Variants in VWC2L observed in about 807,000 individuals in gnomAD.
The protein encoded by VWC2L is von Willebrand factor C domain-containing protein 2-like.
Under a neutral mutation model 21.6 loss-of-function variants are expected in VWC2L, and 10 were observed. The ratio of observed to expected loss-of-function variants is 0.46; its 90% CI spans 0.29 to 0.78. VWC2L has a LOEUF of 0.78. Ranked by LOEUF, VWC2L falls within the 30% of genes least tolerant of loss-of-function variation. The pLI, the probability that VWC2L is intolerant of heterozygous loss-of-function variation, is 0.10. For missense variants in VWC2L, 209 were observed against 277.1 expected (o/e 0.75, Z 1.74); for synonymous variants, 96 against 94.3 (o/e 1.02, Z -0.10).
At chr2:214,546,336 C>G (rs1474592011) in intron 3 of VWC2L, among the ~76,000 whole-genome samples, 1 of 152,128 alleles carries the variant, frequency 6.6e-6, no homozygotes, top group Non-Finnish European at 1.5e-5. Context: ...TTTCTTCCAG[C>G]CAAATGCTCC....
At chr2:214,536,984 A>ACACACACACACACACACACACACG (rs1689542211) in intron 3 of VWC2L, 1 of 151,496 alleles carries the variant, frequency 6.6e-6, no homozygotes, top group African/African-American at 2.4e-5. Context: ...CTACACACAC[A>ACACACACACACACACACACACACG]CACACACACA....
At chr2:214,474,273 A>G (rs963072583) in intron 3 of VWC2L, among the ~76,000 whole-genome samples, 8 of 152,196 alleles carry the variant, frequency 5.3e-5, no homozygotes, top group African/African-American at 1.9e-4. Context: ...CCTGAAAGCA[A>G]AGAGGCAGCA....
intron 3 of VWC2L, among the ~76,000 whole-genome samples, chr2:214,522,329 C>G (rs12617513): frequency 0.35 from 52,142 of 146,898 alleles, 9,809 homozygotes; most frequent in East Asian, 0.54. Context: ...GAGCCGAGAT[C>G]GCGCCACTGC....
intron 1 of VWC2L, among the ~76,000 whole-genome samples, chr2:214,412,213 A>C (rs1702288051): frequency 6.6e-6 from 1 of 152,108 alleles, no homozygotes; most frequent in African/African-American, 2.4e-5. Flanking sequence ...ATTAATGCCT[A>C]CCTGTGGCTT....
In VWC2L at chr2:214,578,247, AAC is replaced by A. The variant is rs1474259778; in HGVS notation, c.*2429_*2430del. On this transcript the variant is annotated 3_prime_UTR_variant, in exon 4 of 4. Transcript: ENST00000312504. The stretch of plus-strand genomic sequence containing the variant: ...GGAGTTACTATGTCCTTTTTTAGAA[AAC>A]AGAAAGAGAGTACAACTGGGAAGCT... 2.6e-5 allele frequency: 4 copies of A among 152,126 alleles called. No homozygotes were observed. Among genetic ancestry groups the A allele is most frequent in the African/African-American group, 9.6e-5 (4 of 41,452 alleles). 9.4% of individuals were successfully genotyped at this position (152,126 alleles called of 1,614,324 possible).
At chr2:214,539,602 TGTATA>T (rs1190108136) in intron 3 of VWC2L, among the ~76,000 whole-genome samples, 2 of 152,178 alleles carry the variant, frequency 1.3e-5, no homozygotes, top group Non-Finnish European at 2.9e-5. Context: ...AACCTGACCT[TGTATA>T]GTAGTTAATC....
At chr2:214,571,389 G>C (rs1462196581) in intron 3 of VWC2L, among the ~76,000 whole-genome samples, 4 of 152,160 alleles carry the variant, frequency 2.6e-5, no homozygotes, top group Non-Finnish European at 5.9e-5. Flanking sequence ...TATGTGGTTT[G>C]TTGTAATAAT....
At chr2:214,520,192 T>A (rs544474463) in intron 3 of VWC2L, among the ~76,000 whole-genome samples, 2 of 152,270 alleles carry the variant, frequency 1.3e-5, no homozygotes, top group Admixed American at 1.3e-4. Context: ...TGATAACATC[T>A]GGGCATACAT....
At chr2:214,547,512 T>C (rs572256760) in intron 3 of VWC2L, among the ~76,000 whole-genome samples, 43 of 152,336 alleles carry the variant, frequency 2.8e-4, no homozygotes, top group African/African-American at 1.0e-3. Flanking sequence ...GTTGTTGGTG[T>C]TTCTGTAGGT....
At chr2:214,523,761 AG>A (rs1446437845) in intron 3 of VWC2L, among the ~76,000 whole-genome samples, 1 of 152,126 alleles carries the variant, frequency 6.6e-6, no homozygotes, top group East Asian at 1.9e-4. Flanking sequence ...TGAACCCAGG[AG>A]GGTTCAAGGC....
intron 3 of VWC2L, among the ~76,000 whole-genome samples, chr2:214,443,624 A>T (rs1374604549): frequency 6.6e-6 from 1 of 152,210 alleles, no homozygotes; most frequent in African/African-American, 2.4e-5. Context: ...TGAAAAAGCA[A>T]AAAGTAATGA....
At chr2:214,416,561 CA>C (rs1230312305) in intron 2 of VWC2L, among the ~76,000 whole-genome samples, 1 of 151,660 alleles carries the variant, frequency 6.6e-6, no homozygotes, top group East Asian at 1.9e-4. Flanking sequence ...AAACTGAGAC[CA>C]AAAAAGTATA....
At chr2:214,490,270 A>G (rs140691395) in intron 3 of VWC2L, among the ~76,000 whole-genome samples, 2 of 152,222 alleles carry the variant, frequency 1.3e-5, no homozygotes, top group Non-Finnish European at 2.9e-5. Context: ...ATGACCTCTG[A>G]TAACTACTAG....
intron 3 of VWC2L, among the ~76,000 whole-genome samples, chr2:214,511,100 A>G (rs954093094): frequency 2.6e-5 from 4 of 151,992 alleles, no homozygotes; most frequent in African/African-American, 9.7e-5. Context: ...CAGCCCAGGC[A>G]AGATGGAGAG....
rs998074645 is a variant in VWC2L at position 214,461,781 on chromosome 2, T to TGGCAGTGGC, written c.520+25033_520+25041dup. 1.2e-4 allele frequency among the ~76,000 whole-genome samples: 19 copies of TGGCAGTGGC among 152,186 alleles called. No homozygotes were observed. The South Asian group carries it at 2.5e-3, about 20-fold the overall frequency. On this transcript the variant is annotated intron_variant, in intron 3 of 3. Coordinates refer to ENST00000312504, the MANE Select transcript of VWC2L (RefSeq NM_001080500.4). ...CCCTAACAGCATGGTTAGGAGGTAA[T>TGGCAGTGGC]GGCAGTGGCGGCAGTGGCAGCAGTG...
At chr2:214,524,097 A>G (rs1689288785) in intron 3 of VWC2L, among the ~76,000 whole-genome samples, 1 of 152,196 alleles carries the variant, frequency 6.6e-6, no homozygotes, top group Non-Finnish European at 1.5e-5. Context: ...AAATACATTG[A>G]ACCATAGTAT....
At chr2:214,451,170 G>A (rs767498630) in intron 3 of VWC2L, among the ~76,000 whole-genome samples, 5 of 152,018 alleles carry the variant, frequency 3.3e-5, no homozygotes, top group Admixed American at 1.3e-4. Context: ...TTGGGACTGG[G>A]ACCCGCATTC....
At chr2:214,493,405 G>GTAGGTAAAA (rs1688770850) in intron 3 of VWC2L, among the ~76,000 whole-genome samples, 2 of 152,190 alleles carry the variant, frequency 1.3e-5, no homozygotes, top group Admixed American at 1.3e-4. Context: ...AAATCTAAGA[G>GTAGGTAAAA]TAGGTAAAAT....
chr2:214,429,537 T>G (rs981795900), intron 2 of VWC2L, among the ~76,000 whole-genome samples: 6 of 152,200 alleles, frequency 3.9e-5, no homozygotes, highest in African/African-American at 9.6e-5. Context: ...ATAAGCATAC[T>G]GTGCCTACTT....
Sources: allele counts gnomAD v4.1 joint callset (sites outside exome capture counted in the v4.1 genomes callset), GRCh38; gene constraint gnomAD v4.1.1; transcripts MANE v1.5; gene names NCBI Gene and HGNC (gene_info 2026-07-23, HGNC 2026-07-21).